The following STON2 variants were observed in gnomAD, a reference collection of about 807,000 sequenced individuals.
The protein encoded by STON2 is stonin 2.
A neutral mutation model predicts 65.7 loss-of-function variants in STON2; 29 were observed. That is an observed-to-expected ratio of 0.44 (90% CI 0.33 to 0.60). STON2 has a LOEUF of 0.60. Among genes scored for constraint, STON2 ranks in the 20% least tolerant of loss-of-function variants. The pLI is 0.03. For missense variants in STON2, 1,054 were observed against 1,118.1 expected, an observed-to-expected ratio of 0.94 and a Z score of 0.82; for synonymous variants, 404 against 414.2, an observed-to-expected ratio of 0.98 and a Z score of 0.30.
chr14:81,323,993 G>A (rs971210391), intron 5 of STON2, among the ~76,000 whole-genome samples, 24 bp downstream of exon 5: 7 of 152,162 alleles, frequency 4.6e-5, no homozygotes, highest in Non-Finnish European at 1.0e-4. Flanking sequence ...TGAATGAAGC[G>A]TTCCTGCTGC....
At chr14:81,386,373 C>G (rs1566937771) in intron 3 of STON2, among the ~76,000 whole-genome samples, 1 of 152,006 alleles carries the variant, frequency 6.6e-6, no homozygotes, top group Non-Finnish European at 1.5e-5. Context: ...GAATGAACAA[C>G]ATAATAGAAA....
At chr14:81,406,292 C>G (rs978900463) in intron 2 of STON2, among the ~76,000 whole-genome samples, 9 of 152,246 alleles carry the variant, frequency 5.9e-5, no homozygotes, top group African/African-American at 2.2e-4. Flanking sequence ...TTTAGAGAAC[C>G]CTAACACACA....
At chr14:81,279,542 T>A (rs1895021007) in intron 5 of STON2, among the ~76,000 whole-genome samples, 1 of 151,930 alleles carries the variant, frequency 6.6e-6, no homozygotes. Context: ...TACAAAAAAA[T>A]TAGCTGGGCG....
chr14:81,277,950 G>A lies in STON2; in HGVS notation c.1532C>T (p.Thr511Ile). Residue 511 changes from threonine to isoleucine, a missense_variant, in exon 6 of 8, where the codon ACA becomes ATA. Physicochemically the swap from Thr to Ile is moderately conservative, Grantham distance 89. Transcript: ENST00000614646. ...ATACAGCTGCAGGTAACCAGTGTCT[G>A]TCAGTTTGACGAAGATCGGTCCCCA... is the stretch of plus-strand genomic sequence containing the variant. ...RHWGPIFVKL[T>I]DTGYLQLYYE... is the part of the protein sequence containing the mutation. The A allele has an allele frequency of 6.2e-7, 1 of 1,614,206 alleles. No homozygotes were observed. Among genetic ancestry groups the A allele is most frequent in the Non-Finnish European group, 8.5e-7 (1 of 1,180,036 alleles).
chr14:81,387,953 T>C (rs190919764), intron 3 of STON2, among the ~76,000 whole-genome samples: 27 of 135,874 alleles, frequency 2.0e-4, no homozygotes, highest in Non-Finnish European at 3.7e-4. Flanking sequence ...TCTTTTCTTT[T>C]TTTTTTTTTT....
intron 4 of STON2, among the ~76,000 whole-genome samples, chr14:81,330,491 T>C (rs892782258): frequency 6.6e-6 from 1 of 152,174 alleles, no homozygotes; most frequent in African/African-American, 2.4e-5. Flanking sequence ...TAATAAAATG[T>C]CTTAAAATTC....
intron 5 of STON2, among the ~76,000 whole-genome samples, chr14:81,293,650 G>C (rs1895649799): frequency 6.6e-6 from 1 of 152,220 alleles, no homozygotes; most frequent in Admixed American, 6.5e-5. Flanking sequence ...CTTAAGCAGA[G>C]ACTAGAAGAG....
At chr14:81,294,406 T>A (rs1367159021) in intron 5 of STON2, among the ~76,000 whole-genome samples, 3 of 152,148 alleles carry the variant, frequency 2.0e-5, no homozygotes, top group Non-Finnish European at 4.4e-5. Context: ...GTCAAGTGGT[T>A]AAGAGCACGG....
At chr14:81,316,865 A>C (rs977169352) in intron 5 of STON2, among the ~76,000 whole-genome samples, 2 of 152,096 alleles carry the variant, frequency 1.3e-5, no homozygotes, top group Non-Finnish European at 2.9e-5. Context: ...CCAAAAATAC[A>C]AAAAATTAGC....
intron 5 of STON2, among the ~76,000 whole-genome samples, chr14:81,292,062 C>A (rs751316680): frequency 6.6e-6 from 1 of 152,196 alleles, no homozygotes; most frequent in Non-Finnish European, 1.5e-5. Flanking sequence ...ATCTTAAGTG[C>A]TCTAGCTCCC....
chr14:81,283,400 T>G (rs1895201317), intron 5 of STON2, among the ~76,000 whole-genome samples: 1 of 152,170 alleles, frequency 6.6e-6, no homozygotes, highest in Non-Finnish European at 1.5e-5. Flanking sequence ...TCACTGGAAT[T>G]TATTAGGAGT....
intron 5 of STON2, among the ~76,000 whole-genome samples, chr14:81,315,025 G>T (rs1447808009): frequency 5.3e-5 from 8 of 152,024 alleles, no homozygotes; most frequent in African/African-American, 1.9e-4. Flanking sequence ...CCTCCATTTT[G>T]CATTCTTGGT....
At chr14:81,378,578 T>C (rs1367030454) in intron 3 of STON2, among the ~76,000 whole-genome samples, 1 of 152,226 alleles carries the variant, frequency 6.6e-6, no homozygotes, top group Non-Finnish European at 1.5e-5. Flanking sequence ...AGCTTGTCTT[T>C]TCATCCTTTT....
intron 4 of STON2, among the ~76,000 whole-genome samples, chr14:81,366,376 A>C (rs1163314581): frequency 6.6e-6 from 1 of 152,146 alleles, no homozygotes; most frequent in Non-Finnish European, 1.5e-5. Flanking sequence ...GCCAAGGCAA[A>C]TAGGCTGGGC....
chr14:81,319,482 A>G (rs1417090359), intron 5 of STON2, among the ~76,000 whole-genome samples: 1 of 152,166 alleles, frequency 6.6e-6, no homozygotes, highest in Non-Finnish European at 1.5e-5. Flanking sequence ...TTTCCCATCT[A>G]GCATCTGGGT....
chr14:81,424,443 C>CA (rs910192555), intron 2 of STON2, among the ~76,000 whole-genome samples: 5 of 146,540 alleles, frequency 3.4e-5, no homozygotes, highest in South Asian at 2.2e-4. Flanking sequence ...GACACCATAT[C>CA]AAAAAAAAAT....
intron 6 of STON2, among the ~76,000 whole-genome samples, chr14:81,276,110 G>T (rs1894807264): frequency 6.6e-6 from 1 of 152,318 alleles, no homozygotes; most frequent in Admixed American, 6.5e-5. Flanking sequence ...AGAAATATGT[G>T]TATTAGTGCT....
chr14:81,348,014 A>G (rs867087404), intron 4 of STON2, among the ~76,000 whole-genome samples: 60 of 152,168 alleles, frequency 3.9e-4, no homozygotes, highest in African/African-American at 1.3e-3. Flanking sequence ...CAAAATGAAG[A>G]AAAAAAAACT....
intron 4 of STON2, among the ~76,000 whole-genome samples, chr14:81,356,404 GT>G (rs1898233937): frequency 6.6e-6 from 1 of 152,170 alleles, no homozygotes; most frequent in Non-Finnish European, 1.5e-5. Context: ...GCTGGATTCG[GT>G]TTGCCAGTAT....
Sources: gnomAD v4.1 joint callset for allele counts (sites outside exome capture counted in the v4.1 genomes callset) on GRCh38, gnomAD v4.1.1 for gene constraint, MANE v1.5 for transcripts, NCBI Gene and HGNC (gene_info 2026-07-23, HGNC 2026-07-21) for gene names.